The following CCDC92 variants were observed in gnomAD, a reference collection of about 807,000 sequenced individuals.
CCDC92 encodes the protein coiled-coil domain-containing protein 92.
A neutral mutation model predicts 24.9 loss-of-function variants in CCDC92; 12 were observed. The observed-to-expected ratio is 0.48, with a 90% CI of 0.31 to 0.78. CCDC92 has a LOEUF of 0.78. CCDC92 is among the 30% of genes least tolerant of loss of function. CCDC92 has a pLI of 0.05. For missense variants in CCDC92, 399 were observed against 439.4 expected (o/e 0.91, Z 0.82); for synonymous variants, 193 against 196.3 (o/e 0.98, Z 0.14).
chr12:123,942,651 ATTTTCT>A, intron 4 of CCDC92, 87 bp downstream of exon 4: 1 of 956,682 alleles, frequency 1.0e-6, no homozygotes, highest in Middle Eastern at 2.1e-4. Flanking sequence ...CAGCAAGAGC[ATTTTCT>A]CCTAAGTGTG....
At chr12:123,952,316 T>C (rs772819124) in intron 1 of CCDC92, among the ~76,000 whole-genome samples, 6 of 151,982 alleles carry the variant, frequency 3.9e-5, no homozygotes, top group Non-Finnish European at 2.9e-5. Flanking sequence ...TAAAAGCAAA[T>C]AGAAGCATTT....
At chr12:123,970,883 C>A (rs1443137437) in intron 1 of CCDC92, among the ~76,000 whole-genome samples, 1 of 152,168 alleles carries the variant, frequency 6.6e-6, no homozygotes, top group East Asian at 1.9e-4. Context: ...GTTGCAAAGG[C>A]ATCCTACCAA....
At chr12:123,943,081 A>G (rs907475532) in intron 3 of CCDC92, among the ~76,000 whole-genome samples, 1 of 152,212 alleles carries the variant, frequency 6.6e-6, no homozygotes, top group Non-Finnish European at 1.5e-5. Context: ...CACACAGGCT[A>G]TATCTTGGTT....
rs1449942449 is a variant in CCDC92, at chr12:123,936,041, C to A, written c.*1017G>T. ...TTAGTTCCTGCATGAGCTTCTACCCCCAGCCTGCCTGGGTCTGTGTGGGGT... is the reference window on the plus strand; with the variant it reads ...TTAGTTCCTGCATGAGCTTCTACCCACAGCCTGCCTGGGTCTGTGTGGGGT... On this transcript the variant is annotated 3_prime_UTR_variant, in exon 5 of 5. Coordinates refer to ENST00000238156, the MANE Select transcript of CCDC92 (RefSeq NM_025140.3). 6.5e-6 allele frequency: 1 copy of A among 152,884 alleles called. No individual in the cohort carries two copies. The highest frequency in any genetic ancestry group is 1.5e-5 in the Non-Finnish European group (1 of 68,590). 9.5% of individuals were successfully genotyped at this position (152,884 alleles called of 1,614,324 possible).
At chr12:123,950,683 G>A (rs757159024) in intron 1 of CCDC92, among the ~76,000 whole-genome samples, 1 of 152,306 alleles carries the variant, frequency 6.6e-6, no homozygotes. Flanking sequence ...TCCTCTGGGG[G>A]CCAAGTTAGC....
intron 1 of CCDC92, chr12:123,946,566 G>A (rs1245398875): frequency 6.6e-6 from 1 of 152,494 alleles, no homozygotes; most frequent in South Asian, 2.1e-4. Flanking sequence ...GTAAGTGTGG[G>A]TCTGTTTCCC....
intron 1 of CCDC92, among the ~76,000 whole-genome samples, chr12:123,949,386 A>G (rs920068113): frequency 4.6e-5 from 7 of 152,246 alleles, no homozygotes; most frequent in Non-Finnish European, 8.8e-5. Flanking sequence ...GCTCAACCAA[A>G]GGCGGCAAGG....
intron 1 of CCDC92, among the ~76,000 whole-genome samples, chr12:123,952,249 T>C (rs182910147): frequency 8.3e-4 from 126 of 152,354 alleles, no homozygotes; most frequent in Non-Finnish European, 1.2e-3. Flanking sequence ...CTGAATATTA[T>C]CTAAGTACGG....
chr12:123,964,363 C>A (rs544126183), intron 1 of CCDC92, among the ~76,000 whole-genome samples: 1 of 143,746 alleles, frequency 7.0e-6, no homozygotes, highest in Non-Finnish European at 1.5e-5. Flanking sequence ...CCTTTCATAT[C>A]TATTTTTGTG....
At chr12:123,960,858 G>A (rs920859278) in intron 1 of CCDC92, 3 of 152,158 alleles carry the variant, frequency 2.0e-5, no homozygotes, top group African/African-American at 4.8e-5. Flanking sequence ...GACGTTATGG[G>A]GATCCCCAAG....
At chr12:123,957,315 T>A (rs960643488) in intron 1 of CCDC92, among the ~76,000 whole-genome samples, 1 of 152,244 alleles carries the variant, frequency 6.6e-6, no homozygotes, top group Non-Finnish European at 1.5e-5. Flanking sequence ...AGAGTTTGAC[T>A]TCCCAGTTTT....
chr12:123,940,504 C>T (rs1955651973), intron 4 of CCDC92, among the ~76,000 whole-genome samples: 1 of 152,212 alleles, frequency 6.6e-6, no homozygotes. Flanking sequence ...GACTGCTCCT[C>T]CATCCCCAGC....
chr12:123,956,081 T>C (rs562841863), intron 1 of CCDC92, among the ~76,000 whole-genome samples: 1 of 152,354 alleles, frequency 6.6e-6, no homozygotes, highest in African/African-American at 2.4e-5. Flanking sequence ...TTAGAGATCT[T>C]TGAAATTATT....
chr12:123,962,512 T>C (rs976286647), intron 1 of CCDC92: 6 of 152,536 alleles, frequency 3.9e-5, no homozygotes, highest in Non-Finnish European at 5.9e-5. Flanking sequence ...GATAAGGGGC[T>C]TGGGGTTCCT....
chr12:123,969,733 T>C (rs1956480696), intron 1 of CCDC92, among the ~76,000 whole-genome samples: 1 of 152,092 alleles, frequency 6.6e-6, no homozygotes, highest in Non-Finnish European at 1.5e-5. Flanking sequence ...AGTGAGCCAC[T>C]GCCCCCGGCC....
intron 1 of CCDC92, 165 bp from the exon 2 acceptor site, chr12:123,944,529 C>T (rs1955787521): frequency 4.1e-6 from 2 of 491,936 alleles, no homozygotes; most frequent in South Asian, 7.2e-5. Flanking sequence ...CACAGTGGAA[C>T]CGTTTTGGAG....
chr12:123,970,628 T>C (rs1956504803), intron 1 of CCDC92, among the ~76,000 whole-genome samples: 1 of 152,188 alleles, frequency 6.6e-6, no homozygotes, highest in African/African-American at 2.4e-5. Context: ...GCAACATTGG[T>C]GTGTGAAGAT....
chr12:123,951,271 C>G (rs1404129715), intron 1 of CCDC92, among the ~76,000 whole-genome samples: 1 of 152,152 alleles, frequency 6.6e-6, no homozygotes, highest in Non-Finnish European at 1.5e-5. Flanking sequence ...ATGACCTCAC[C>G]CCATCATTTC....
chr12:123,939,496 G>A (rs944076876), intron 4 of CCDC92, among the ~76,000 whole-genome samples: 3 of 152,176 alleles, frequency 2.0e-5, no homozygotes, highest in East Asian at 1.9e-4. Flanking sequence ...GTGTGTTTTC[G>A]ATATTTTCAG....
Sources: gnomAD v4.1 joint callset for allele counts (sites outside exome capture counted in the v4.1 genomes callset) on GRCh38, gnomAD v4.1.1 for gene constraint, MANE v1.5 for transcripts, NCBI Gene and HGNC (gene_info 2026-07-23, HGNC 2026-07-21) for gene names.